STXBP5L: variants seen among roughly 807,000 people sequenced by gnomAD.
STXBP5L encodes the protein syntaxin-binding protein 5-like.
A neutral mutation model predicts 144.5 loss-of-function variants in STXBP5L; 65 were observed. That is an observed-to-expected ratio of 0.45 (90% CI 0.37 to 0.55). STXBP5L has a LOEUF of 0.55. STXBP5L is among the 20% of genes least tolerant of loss of function. STXBP5L has a pLI of 0.00. For synonymous variants in STXBP5L, 505 were observed against 469.6 expected (o/e 1.08, Z -0.97); for missense variants, 1,298 against 1,405.5 (o/e 0.92, Z 1.22).
intron 3 of STXBP5L, among the ~76,000 whole-genome samples, chr3:121,025,451 G>C (rs1945860111): frequency 6.6e-6 from 1 of 152,036 alleles, no homozygotes; most frequent in African/African-American, 2.4e-5. Flanking sequence ...ATTTTCTCTT[G>C]AATAATCAGA....
At chr3:121,193,611 G>A (rs2047796411) in intron 9 of STXBP5L, among the ~76,000 whole-genome samples, 1 of 152,156 alleles carries the variant, frequency 6.6e-6, no homozygotes, top group Admixed American at 6.5e-5. Flanking sequence ...AGAAAATGTG[G>A]CACATATACA....
At chr3:121,009,324 A>T (rs1217928411) in intron 3 of STXBP5L, among the ~76,000 whole-genome samples, 1 of 151,834 alleles carries the variant, frequency 6.6e-6, no homozygotes, top group Non-Finnish European at 1.5e-5. Flanking sequence ...TTGGTCTCTA[A>T]TCTTCCAATT....
intron 2 of STXBP5L, among the ~76,000 whole-genome samples, chr3:120,915,843 G>A (rs1034017727): frequency 1.3e-5 from 2 of 152,030 alleles, no homozygotes; most frequent in Non-Finnish European, 2.9e-5. Flanking sequence ...ATAAAGAATA[G>A]AATATAAGCC....
intron 9 of STXBP5L, among the ~76,000 whole-genome samples, chr3:121,160,625 T>C (rs947546330): frequency 1.1e-4 from 16 of 152,120 alleles, no homozygotes; most frequent in African/African-American, 3.9e-4. Context: ...AATCAACGGA[T>C]ACTGGGAATA....
chr3:120,968,076 G>A (rs143040388), intron 3 of STXBP5L, among the ~76,000 whole-genome samples: 9 of 152,060 alleles, frequency 5.9e-5, no homozygotes, highest in Non-Finnish European at 5.9e-5. Flanking sequence ...TGTATTCTGC[G>A]GCTATTGGAT....
In STXBP5L at chr3:121,422,649, A is replaced by T. The variant is rs2047376172; in HGVS notation, c.*3552A>T. On this transcript the variant is annotated 3_prime_UTR_variant, in exon 27 of 27. Coordinates refer to ENST00000471454, the MANE Select transcript of STXBP5L (RefSeq NM_001308330.2). ...CTTTAGGGCCCCAATCATTGTCAAG[A>T]TCATTGTCTAACTGGAACTCTGAAA... 1 of 152,266 alleles carries T rather than the reference A, an allele frequency of 6.6e-6. No individual in the cohort carries two copies. Among genetic ancestry groups the T allele is most frequent in the African/African-American group, 2.4e-5 (1 of 41,568 alleles). The allele number at this position is 152,266 out of a possible 1,614,324, so 9.4% of individuals were successfully genotyped here.
chr3:121,244,432 G>T (rs2049775019), intron 14 of STXBP5L, among the ~76,000 whole-genome samples: 1 of 151,484 alleles, frequency 6.6e-6, no homozygotes, highest in South Asian at 2.1e-4. Context: ...CACATTATGG[G>T]AATTTAAGAA....
chr3:121,282,615 T>C (rs1035709928), intron 19 of STXBP5L, among the ~76,000 whole-genome samples: 9 of 152,002 alleles, frequency 5.9e-5, no homozygotes, highest in African/African-American at 1.9e-4. Context: ...CACTGTCTTT[T>C]ATTTTGAGGA....
rs542249490 is a variant in STXBP5L at position 121,044,156 on chromosome 3, A to T, written c.370-1279A>T. Among the ~76,000 whole-genome samples, 122 of 152,326 alleles carry T rather than the reference A, an allele frequency of 8.0e-4. 1 individual carries two copies. Among genetic ancestry groups the T allele is most frequent in the African/African-American group, 2.8e-3 (115 of 41,586 alleles). The stretch of plus-strand genomic sequence containing the variant: ...TTAAGATGTATATATCAATATATAC[A>T]TCTTTGAACATGTATGTATGTAATT... On this transcript the variant is annotated intron_variant, in intron 4 of 26. Transcript: ENST00000471454.
intron 20 of STXBP5L, among the ~76,000 whole-genome samples, chr3:121,371,932 G>C (rs1367233221): frequency 1.3e-5 from 2 of 152,220 alleles, no homozygotes; most frequent in Non-Finnish European, 2.9e-5. Flanking sequence ...TCCACTGGCA[G>C]TAGTGTCATG....
intron 20 of STXBP5L, among the ~76,000 whole-genome samples, chr3:121,368,914 G>T (rs1026080758): frequency 6.6e-6 from 1 of 152,188 alleles, no homozygotes; most frequent in African/African-American, 2.4e-5. Flanking sequence ...AGTCACTTCA[G>T]ACAGAGGGTG....
rs188614709 is a variant in STXBP5L, at chr3:121,359,604, G to A, written c.2177-19112G>A. Among the ~76,000 whole-genome samples the A allele has an allele frequency of 2.6e-4, 40 of 152,020 alleles. No individual in the cohort carries two copies. The East Asian group carries it at 6.8e-3, about 26-fold the overall frequency. On this transcript the variant is annotated intron_variant, in intron 20 of 26. Transcript: ENST00000471454. The stretch of plus-strand genomic sequence containing the variant: ...GGTCTTATATTTAAGTCTTTAATCC[G>A]TTTTGATTTGATTTTCGTATATGGT...
chr3:121,120,548 G>A (rs2044411412), intron 6 of STXBP5L, among the ~76,000 whole-genome samples: 1 of 151,134 alleles, frequency 6.6e-6, no homozygotes. Flanking sequence ...CAATTATTCA[G>A]TAAGGTCAGT....
At chr3:121,317,543 G>A (rs1445461920) in intron 19 of STXBP5L, among the ~76,000 whole-genome samples, 1 of 152,000 alleles carries the variant, frequency 6.6e-6, no homozygotes, top group Non-Finnish European at 1.5e-5. Context: ...AGATTATTTT[G>A]GTCATTGAAA....
intron 19 of STXBP5L, among the ~76,000 whole-genome samples, chr3:121,307,166 C>T (rs1000797724): frequency 9.2e-5 from 14 of 151,948 alleles, no homozygotes; most frequent in African/African-American, 3.4e-4. Context: ...AAGCAAACAG[C>T]AAAAACTGGA....
At chr3:121,381,876 G>C (rs1173590257) in intron 22 of STXBP5L, among the ~76,000 whole-genome samples, 1 of 152,140 alleles carries the variant, frequency 6.6e-6, no homozygotes, top group African/African-American at 2.4e-5. Context: ...TTCCATGCCA[G>C]ATCAGAGCAT....
chr3:121,373,192 A>G (rs953987829), intron 20 of STXBP5L, among the ~76,000 whole-genome samples: 1 of 152,248 alleles, frequency 6.6e-6, no homozygotes, highest in Admixed American at 6.5e-5. Flanking sequence ...GGGAGCATAG[A>G]AAAGGAAGCA....
intron 5 of STXBP5L, among the ~76,000 whole-genome samples, chr3:121,084,718 T>C (rs1281794368): frequency 6.6e-6 from 1 of 152,254 alleles, no homozygotes; most frequent in Non-Finnish European, 1.5e-5. Flanking sequence ...TTTGGATATA[T>C]ACCCAGTAAT....
In STXBP5L at chr3:121,157,626, T is replaced by C; in HGVS notation, c.876T>C (p.His292=). Residue 292 remains histidine (H), a splice_region_variant and synonymous_variant, in exon 9 of 27, where the codon CAT becomes CAC. Transcript: ENST00000471454. ...PSRPFQTTIP[H]GKSQREGRKS... is the part of the protein sequence containing the mutation. ...GCCCTTTCCAGACCACAATTCCACA[T>C]GGTAAGATGTATGCTTTCAAAAGGA... The C allele has an allele frequency of 1.3e-6, 2 of 1,597,954 alleles. No homozygotes were observed. Among genetic ancestry groups the C allele is most frequent in the Non-Finnish European group, 1.7e-6 (2 of 1,174,258 alleles).
Sources: allele counts gnomAD v4.1 joint callset (sites outside exome capture counted in the v4.1 genomes callset), GRCh38; gene constraint gnomAD v4.1.1; transcripts MANE v1.5; gene names NCBI Gene and HGNC (gene_info 2026-07-23, HGNC 2026-07-21).